ATP2C2: variants seen among roughly 807,000 people sequenced by gnomAD.
The protein encoded by ATP2C2 is calcium-transporting ATPase type 2C member 2.
In ATP2C2, 171 loss-of-function variants were observed where a neutral mutation model predicts 110.8. The ratio of observed to expected loss-of-function variants is 1.54; its 90% CI spans 1.36 to 1.75. The LOEUF (loss-of-function observed/expected upper bound fraction) is 1.75, where lower values mean the gene tolerates loss of function less well. Among genes scored for constraint, ATP2C2 ranks in the 40% most tolerant of loss-of-function variants. ATP2C2 has a pLI of 0.00. For synonymous variants in ATP2C2, 804 were observed against 508.4 expected, an observed-to-expected ratio of 1.58 and a Z score of -7.82; for missense variants, 1,963 against 1,235.0, an observed-to-expected ratio of 1.59 and a Z score of -8.84.
chr16:84,462,471 G>T, intron 26 of ATP2C2: 1 of 213,270 alleles, frequency 4.7e-6, no homozygotes, highest in Non-Finnish European at 9.4e-6. Flanking sequence ...AGGTACCCCA[G>T]CTGGGGAGCC....
intron 11 of ATP2C2, among the ~76,000 whole-genome samples, chr16:84,431,021 C>T (rs1043370831): frequency 2.0e-5 from 3 of 152,092 alleles, no homozygotes; most frequent in African/African-American, 7.2e-5. Flanking sequence ...ATGTATTGGG[C>T]ATCTGTTGAC....
chr16:84,452,144 G>A (rs535055084), intron 18 of ATP2C2, 53 bp downstream of exon 18: 29 of 1,598,102 alleles, frequency 1.8e-5, no homozygotes, highest in African/African-American at 9.4e-5. Context: ...CATCCTTTAC[G>A]ATGGGGGGCT....
At position 84,424,599 on chromosome 16, in the gene ATP2C2, T is replaced by TTTTTTTA. The variant is rs376880864; in HGVS notation, c.920-1136_920-1135insTTTTTTA. Among the ~76,000 whole-genome samples the TTTTTTTA allele has an allele frequency of 3.3e-4, 43 of 131,276 alleles. 1 individual carries two copies. The highest frequency in any genetic ancestry group is 9.7e-4 in the African/African-American group (33 of 34,124). 86.1% of individuals were successfully genotyped at this position (131,276 alleles called of 152,430 possible). A position where few individuals can be genotyped will look rare whatever the true frequency, so the allele number is the denominator to read the frequency against. On this transcript the variant is annotated intron_variant, in intron 10 of 26. Transcript: ENST00000262429. ...GGCTTTTTTTTTTTTTTTTTTTTTT[T>TTTTTTTA]AACATTTTGGGAACTGCTCTAGCAG...
rs556204864 is a variant in ATP2C2, at chr16:84,379,064, A to G, written c.99+10350A>G. Among the ~76,000 whole-genome samples the G allele has an allele frequency of 5.9e-5, 9 of 151,824 alleles. No individual in the cohort carries two copies. In the South Asian group the frequency reaches 1.7e-3, roughly 28 times the overall value. Reference sequence around the variant, plus strand: ...TGTGCCATGGTGATCTACTGCACAGATCATCCCATCACCCAGGAATTACGC... The same window carrying G: ...TGTGCCATGGTGATCTACTGCACAGGTCATCCCATCACCCAGGAATTACGC... On this transcript the variant is annotated intron_variant, in intron 1 of 26. Coordinates refer to ENST00000262429, the MANE Select transcript of ATP2C2 (RefSeq NM_014861.4).
chr16:84,412,315 C>CGT (rs573699184), intron 6 of ATP2C2, among the ~76,000 whole-genome samples: 41 of 106,966 alleles, frequency 3.8e-4, no homozygotes, highest in African/African-American at 1.0e-3. Context: ...CATGTCTGCA[C>CGT]GTGTGTGTGC....
At chr16:84,459,570 A>G (rs1911062852) in intron 23 of ATP2C2, 184 bp downstream of exon 23, 1 of 1,536,596 alleles carries the variant, frequency 6.5e-7, no homozygotes, top group South Asian at 1.2e-5. Flanking sequence ...CAGAGGAGAA[A>G]GTACCTGGGC....
chr16:84,455,447 G>A (rs888468130), intron 21 of ATP2C2, among the ~76,000 whole-genome samples: 2 of 152,170 alleles, frequency 1.3e-5, no homozygotes, highest in East Asian at 1.9e-4. Context: ...ATTGCAAAGA[G>A]ACCTGGGCAG....
chr16:84,377,679 AG>A (rs1381094178), intron 1 of ATP2C2, among the ~76,000 whole-genome samples: 1 of 152,112 alleles, frequency 6.6e-6, no homozygotes, highest in Non-Finnish European at 1.5e-5. Flanking sequence ...CTTTAAATAT[AG>A]TCACTTTCTG....
intron 15 of ATP2C2, among the ~76,000 whole-genome samples, chr16:84,444,638 G>A (rs1228092606): frequency 7.2e-5 from 11 of 152,210 alleles, no homozygotes; most frequent in South Asian, 2.1e-4. Flanking sequence ...GGAAGGTGCC[G>A]GCCTGACCGC....
intron 2 of ATP2C2, among the ~76,000 whole-genome samples, chr16:84,403,908 C>G (rs899384775): frequency 6.6e-6 from 1 of 152,176 alleles, no homozygotes; most frequent in African/African-American, 2.4e-5. Context: ...CAAGGCTGCT[C>G]TCGAACTCCC....
At chr16:84,460,441 G>A (rs571472665) in intron 23 of ATP2C2, 16 of 664,634 alleles carry the variant, frequency 2.4e-5, no homozygotes, top group Admixed American at 1.3e-4. Flanking sequence ...CTGTCTGCGG[G>A]ACAGATGGAG....
In ATP2C2 at chr16:84,459,625, G is replaced by T. The variant is rs1401970950; in HGVS notation, c.2333+239G>T. The T allele has an allele frequency of 2.0e-5, 30 of 1,520,500 alleles. No homozygotes were observed. The East Asian group carries it at 5.9e-4, about 30-fold the overall frequency. 94.2% of individuals were successfully genotyped at this position (1,520,500 alleles called of 1,614,324 possible). A position where few individuals can be genotyped will look rare whatever the true frequency, so the allele number is the denominator to read the frequency against. On this transcript the variant is annotated intron_variant, in intron 23 of 26. Coordinates refer to ENST00000262429, the MANE Select transcript of ATP2C2 (RefSeq NM_014861.4). The stretch of plus-strand genomic sequence containing the variant: ...TGGAACTTTCTGCTCCCTCTGCCTG[G>T]ATGCTCTCTCTGGGCAACCTGCATG...
chr16:84,410,333 T>C (rs12918589), intron 4 of ATP2C2, among the ~76,000 whole-genome samples: 1,812 of 152,244 alleles, frequency 0.012, 15 homozygotes, highest in East Asian at 0.042. Flanking sequence ...CTTAAGTGTG[T>C]CTACGCAGAA....
intron 1 of ATP2C2, among the ~76,000 whole-genome samples, chr16:84,383,035 C>A (rs1910675299): frequency 6.6e-6 from 1 of 152,180 alleles, no homozygotes; most frequent in African/African-American, 2.4e-5. Context: ...AAGTGTGCCT[C>A]CTCTCCCAGG....
intron 11 of ATP2C2, among the ~76,000 whole-genome samples, chr16:84,432,994 G>A (rs1317376290): frequency 1.3e-5 from 2 of 152,178 alleles, no homozygotes; most frequent in African/African-American, 4.8e-5. Context: ...CTGAGCCTTT[G>A]GAGGCAGGGG....
At chr16:84,424,511 C>T (rs1486520709) in intron 10 of ATP2C2, among the ~76,000 whole-genome samples, 1 of 150,586 alleles carries the variant, frequency 6.6e-6, no homozygotes, top group East Asian at 2.0e-4. Context: ...CTCCTGGTCT[C>T]AAGTGATCTG....
At chr16:84,439,991 C>T (rs247902) in intron 13 of ATP2C2, among the ~76,000 whole-genome samples, 117,455 of 152,156 alleles carry the variant, frequency 0.77, 45,649 homozygotes, top group East Asian at 0.95. Context: ...TGCCCTAATA[C>T]GCCGAGCTTA....
At position 84,429,478 on chromosome 16, in the gene ATP2C2, A is replaced by C. The variant is rs975080978; in HGVS notation, c.986+3677A>C. Among the ~76,000 whole-genome samples, 12 of 152,274 alleles carry C rather than the reference A, an allele frequency of 7.9e-5. No individual in the cohort carries two copies. In the South Asian group the frequency reaches 2.5e-3, roughly 32 times the overall value. On this transcript the variant is annotated intron_variant, in intron 11 of 26. Coordinates refer to ENST00000262429, the MANE Select transcript of ATP2C2 (RefSeq NM_014861.4). The stretch of plus-strand genomic sequence containing the variant: ...TTCGTGGAGCTTTTGAGGAGCATTT[A>C]TCCTTCGGTGTTACTGTGTATAGCA...
chr16:84,443,065 A>C (rs995927001), intron 15 of ATP2C2, among the ~76,000 whole-genome samples: 1 of 152,106 alleles, frequency 6.6e-6, no homozygotes, highest in East Asian at 1.9e-4. Flanking sequence ...CCAGGTACCA[A>C]GTGGCTGCTT....
Sources: allele counts gnomAD v4.1 joint callset (sites outside exome capture counted in the v4.1 genomes callset), GRCh38; gene constraint gnomAD v4.1.1; transcripts MANE v1.5; gene names NCBI Gene and HGNC (gene_info 2026-07-23, HGNC 2026-07-21).